The following FMNL2 variants were observed in gnomAD, a reference collection of about 807,000 sequenced individuals.
FMNL2 encodes formin-like protein 2.
A neutral mutation model predicts 130.2 loss-of-function variants in FMNL2; 51 were observed. That is an observed-to-expected ratio of 0.39 (90% CI 0.31 to 0.49). The LOEUF is 0.49. FMNL2 is among the 20% of genes least tolerant of loss of function. The pLI is 0.85. For synonymous variants in FMNL2, 465 were observed against 467.1 expected (o/e 1.00, Z 0.06); for missense variants, 977 against 1,316.2 (o/e 0.74, Z 3.99).
At chr2:152,483,087 G>T (rs1354656406) in intron 1 of FMNL2, among the ~76,000 whole-genome samples, 1 of 152,026 alleles carries the variant, frequency 6.6e-6, no homozygotes. Context: ...GAATACTTGT[G>T]TCTATTAATA....
At chr2:152,464,097 T>C (rs888784734) in intron 1 of FMNL2, among the ~76,000 whole-genome samples, 1 of 152,140 alleles carries the variant, frequency 6.6e-6, no homozygotes, top group Non-Finnish European at 1.5e-5. Flanking sequence ...GATGCCTGGC[T>C]AATTTTTTAT....
intron 1 of FMNL2, among the ~76,000 whole-genome samples, chr2:152,502,930 C>T (rs1691930678): frequency 6.6e-6 from 1 of 151,816 alleles, no homozygotes; most frequent in African/African-American, 2.4e-5. Context: ...AAATGGTTGA[C>T]CAGAAGAAGG....
intron 23 of FMNL2, among the ~76,000 whole-genome samples, chr2:152,639,571 G>A (rs2105963158): frequency 6.6e-6 from 1 of 152,330 alleles, no homozygotes; most frequent in East Asian, 1.9e-4. Context: ...TAGGCAGAAG[G>A]CAGAAGAATC....
chr2:152,576,037 G>C (rs943951963), intron 7 of FMNL2, among the ~76,000 whole-genome samples: 4 of 152,112 alleles, frequency 2.6e-5, no homozygotes, highest in Non-Finnish European at 5.9e-5. Context: ...AGTTTAATTA[G>C]GTCAGCAAAG....
chr2:152,380,446 G>A (rs12474369), intron 1 of FMNL2, among the ~76,000 whole-genome samples: 88,146 of 152,152 alleles, frequency 0.58, 26,079 homozygotes, highest in South Asian at 0.7. Context: ...TGTGTAGTCA[G>A]TTCTTACAAG....
chr2:152,496,035 T>C (rs1691503469), intron 1 of FMNL2, among the ~76,000 whole-genome samples: 1 of 152,142 alleles, frequency 6.6e-6, no homozygotes, highest in Admixed American at 6.5e-5. Flanking sequence ...CAAGGAGTAC[T>C]AGTTGCTATA....
chr2:152,518,024 A>G (rs1239749240), intron 1 of FMNL2, among the ~76,000 whole-genome samples: 1 of 152,228 alleles, frequency 6.6e-6, no homozygotes, highest in Admixed American at 6.5e-5. Flanking sequence ...AAAGGCAGCA[A>G]AGGGACCTGG....
At position 152,593,465 on chromosome 2, in the gene FMNL2, A is replaced by G. The variant is rs2304557; in HGVS notation, c.876+12416A>G. Among the ~76,000 whole-genome samples, 180 of 152,256 alleles carry G rather than the reference A, an allele frequency of 1.2e-3. 3 individuals are homozygous for G. The East Asian group carries it at 0.028, about 24-fold the overall frequency. ...CTCTGCAGAAAATACAGTAGAGGGG[A>G]GAGATGCTGGAGTCTGGAAGACAGG... On this transcript the variant is annotated intron_variant, in intron 9 of 25. Transcript: ENST00000288670.
intron 9 of FMNL2, among the ~76,000 whole-genome samples, chr2:152,585,622 C>T (rs1012777284): frequency 5.3e-5 from 8 of 152,254 alleles, no homozygotes; most frequent in Middle Eastern, 3.4e-3. Flanking sequence ...TTTGAAGCTG[C>T]GCCACCAGAA....
intron 2 of FMNL2, among the ~76,000 whole-genome samples, chr2:152,533,273 T>C (rs1342368582): frequency 6.6e-6 from 1 of 152,192 alleles, no homozygotes; most frequent in Non-Finnish European, 1.5e-5. Flanking sequence ...TTTTTCCTCA[T>C]CTGTCTATCT....
chr2:152,568,223 T>TTTTTTTTTCGTTTTGTTTTTG (rs1553478447), intron 6 of FMNL2, among the ~76,000 whole-genome samples: 1 of 132,276 alleles, frequency 7.6e-6, no homozygotes, highest in Admixed American at 7.5e-5. Context: ...GGTGGGTTTT[T>TTTTTTTTTCGTTTTGTTTTTG]TTTTTTTTTT....
chr2:152,603,557 G>A lies in FMNL2; in HGVS notation c.877-3782G>A, dbSNP rs560413113. On this transcript the variant is annotated intron_variant, in intron 9 of 25. Transcript: ENST00000288670. The stretch of plus-strand genomic sequence containing the variant: ...TACTTCAGGTCTATCTGCCAGGCTA[G>A]TGATGTGTTTTTTGGGATCCTTATC... Among the ~76,000 whole-genome samples, 4 of 150,814 alleles carry A rather than the reference G, an allele frequency of 2.7e-5. 1 individual carries two copies. In the East Asian group the frequency reaches 8.2e-4, roughly 31 times the overall value.
At chr2:152,339,189 T>C (rs1251984772) in intron 1 of FMNL2, among the ~76,000 whole-genome samples, 2 of 116,990 alleles carry the variant, frequency 1.7e-5, no homozygotes, top group African/African-American at 5.3e-5. Context: ...GAGATTTATT[T>C]CATGATTTTT....
In FMNL2 at chr2:152,394,607, C is replaced by G. The variant is rs1048334308; in HGVS notation, c.117+58887C>G. Among the ~76,000 whole-genome samples, 3 of 146,218 alleles carry G rather than the reference C, an allele frequency of 2.1e-5. No individual in the cohort carries two copies. In the South Asian group the frequency reaches 6.5e-4, roughly 32 times the overall value. On this transcript the variant is annotated intron_variant, in intron 1 of 25. Transcript: ENST00000288670. ...AGATACATGTGGAAAGAGTTGTTCT[C>G]TGAAAAAAAAATTTTGACTTTTTTT...
At chr2:152,490,483 T>A (rs1269102603) in intron 1 of FMNL2, among the ~76,000 whole-genome samples, 2 of 152,018 alleles carry the variant, frequency 1.3e-5, no homozygotes, top group African/African-American at 2.4e-5. Flanking sequence ...TGAGCTGACT[T>A]CTTCTCTGTT....
chr2:152,349,365 T>C (rs951580323), intron 1 of FMNL2, among the ~76,000 whole-genome samples: 1 of 152,238 alleles, frequency 6.6e-6, no homozygotes, highest in Non-Finnish European at 1.5e-5. Context: ...GGTATTGTCT[T>C]CCTTTTACTA....
chr2:152,642,910 G>A (rs1373258404), intron 25 of FMNL2, among the ~76,000 whole-genome samples: 4 of 152,112 alleles, frequency 2.6e-5, no homozygotes, highest in East Asian at 1.9e-4. Context: ...TTGGGAGGCC[G>A]AGACAGGAGA....
At chr2:152,403,022 G>A (rs1332475689) in intron 1 of FMNL2, among the ~76,000 whole-genome samples, 1 of 152,080 alleles carries the variant, frequency 6.6e-6, no homozygotes, top group Admixed American at 6.5e-5. Context: ...GAGGAGTACT[G>A]GTCAGGTGTT....
In FMNL2 at chr2:152,579,487, C is replaced by G. The variant is rs142738144; in HGVS notation, c.782+523C>G. On this transcript the variant is annotated intron_variant, in intron 8 of 25. Coordinates refer to ENST00000288670, the MANE Select transcript of FMNL2 (RefSeq NM_052905.4). ...CCGAGGCAGGCAGATCACCTGAGGT[C>G]AGGAGTTGCGACCAGCCTGGCTAAC... Among the ~76,000 whole-genome samples the G allele has an allele frequency of 6.1e-3, 928 of 152,264 alleles. 14 individuals are homozygous for G. The highest frequency in any genetic ancestry group is 0.021 in the African/African-American group (884 of 41,542).
Sources: allele counts gnomAD v4.1 joint callset (sites outside exome capture counted in the v4.1 genomes callset), GRCh38; gene constraint gnomAD v4.1.1; transcripts MANE v1.5; gene names NCBI Gene and HGNC (gene_info 2026-07-23, HGNC 2026-07-21).